PRKCZ: variants seen among roughly 807,000 people sequenced by gnomAD.
The protein encoded by PRKCZ is protein kinase C zeta.
In PRKCZ, 33 loss-of-function variants were observed where a neutral mutation model predicts 79.5. The observed-to-expected ratio is 0.41, with a 90% confidence interval of 0.31 to 0.55. The LOEUF is 0.55. Ranked by LOEUF, PRKCZ falls within the 20% of genes least tolerant of loss-of-function variation. The probability of loss-of-function intolerance (pLI) is 0.19; values close to 1 mark genes in which losing one functional copy is unlikely to be tolerated. For synonymous variants in PRKCZ, 342 were observed against 320.9 expected (o/e 1.07, Z -0.70); for missense variants, 578 against 813.5 (o/e 0.71, Z 3.52).
At chr1:2,135,138 T>C in intron 4 of PRKCZ, 124 bp from the exon 5 acceptor site, 1 of 759,292 alleles carries the variant, frequency 1.3e-6, no homozygotes, top group Non-Finnish European at 2.1e-6. Context: ...CAGCCCTGCC[T>C]TCCCTGCCTG....
At chr1:2,105,815 A>G (rs996619608) in intron 4 of PRKCZ, among the ~76,000 whole-genome samples, 3 of 152,220 alleles carry the variant, frequency 2.0e-5, no homozygotes, top group African/African-American at 7.2e-5. Flanking sequence ...GGTGATGACC[A>G]GGTGATGCCG....
At chr1:2,096,400 G>A (rs1471814796) in intron 4 of PRKCZ, among the ~76,000 whole-genome samples, 3 of 152,050 alleles carry the variant, frequency 2.0e-5, no homozygotes, top group Non-Finnish European at 4.4e-5. Context: ...CTGGGAGCAC[G>A]GGTGAGGTGC....
chr1:2,097,790 C>T (rs1040143815), intron 4 of PRKCZ, among the ~76,000 whole-genome samples: 1 of 152,202 alleles, frequency 6.6e-6, no homozygotes, highest in Non-Finnish European at 1.5e-5. Context: ...AGCACTCGAA[C>T]ATAAATTTAA....
rs948495584 is a variant in PRKCZ, at chr1:2,127,279, A to G, written c.335-7983A>G. On this transcript the variant is annotated intron_variant, in intron 4 of 17. Coordinates refer to ENST00000378567, the MANE Select transcript of PRKCZ (RefSeq NM_002744.6). The surrounding 1 kb of genome is among the most constrained non-coding windows in gnomAD (Gnocchi z 5.1). ...CTTCAGTCACCTTTAAAAGCATAGCATGTTTTCAATCACATGTTCAGCTGG... is the reference window on the plus strand; with the variant it reads ...CTTCAGTCACCTTTAAAAGCATAGCGTGTTTTCAATCACATGTTCAGCTGG... 1.7e-4 allele frequency among the ~76,000 whole-genome samples: 26 copies of G among 152,330 alleles called. No individual in the cohort carries two copies. Among genetic ancestry groups the G allele is most frequent in the African/African-American group, 6.0e-4 (25 of 41,582 alleles).
chr1:2,132,478 T>G (rs1457338926), intron 4 of PRKCZ, among the ~76,000 whole-genome samples: 1 of 152,182 alleles, frequency 6.6e-6, no homozygotes, highest in Non-Finnish European at 1.5e-5. Context: ...GGGGCACTCC[T>G]GGGCCTCGAA....
Position 2,185,249 on chromosome 1 carries a change from G to C in PRKCZ, c.*240G>C, listed in dbSNP as rs957851112. On this transcript the variant is annotated 3_prime_UTR_variant, in exon 18 of 18. Coordinates refer to ENST00000378567, the MANE Select transcript of PRKCZ (RefSeq NM_002744.6). ...TTGCTGCTGTGCCTGCGTCGCGGCG[G>C]ATCCGCGGGGACCCTGCCGAGGGGG... The C allele has an allele frequency of 1.4e-6, 1 of 712,610 alleles. No individual in the cohort carries two copies. The highest frequency in any genetic ancestry group is 1.7e-5 in the African/African-American group (1 of 57,246). 44.1% of individuals were successfully genotyped at this position (712,610 alleles called of 1,614,324 possible).
At chr1:2,133,098 G>A (rs899336563) in intron 4 of PRKCZ, among the ~76,000 whole-genome samples, 1 of 152,186 alleles carries the variant, frequency 6.6e-6, no homozygotes, top group Non-Finnish European at 1.5e-5. Context: ...CTGCTAGGAC[G>A]TCATTCTCTT....
chr1:2,138,420 G>A (rs1676661668), intron 5 of PRKCZ, among the ~76,000 whole-genome samples: 1 of 152,202 alleles, frequency 6.6e-6, no homozygotes, highest in Non-Finnish European at 1.5e-5. Flanking sequence ...CCTCCATGAA[G>A]GATGGTGCCG....
chr1:2,135,998 C>G (rs59178531), intron 5 of PRKCZ, among the ~76,000 whole-genome samples: 1 of 151,956 alleles, frequency 6.6e-6, no homozygotes, highest in African/African-American at 2.4e-5. Context: ...CTTGGGGGTG[C>G]GTGGAAGTAT....
chr1:2,059,034 A>G (rs994813884), intron 3 of PRKCZ, among the ~76,000 whole-genome samples: 11 of 152,196 alleles, frequency 7.2e-5, no homozygotes, highest in Middle Eastern at 3.2e-3. Context: ...GCCTGAAGCC[A>G]TCCTCTCATC....
At chr1:2,055,646 C>A in intron 2 of PRKCZ, 84 bp downstream of exon 2, 1 of 1,510,708 alleles carries the variant, frequency 6.6e-7, no homozygotes, top group Non-Finnish European at 8.9e-7. Context: ...TGTGCTCAGC[C>A]AATTCTGTGG....
At chr1:2,076,800 G>A (rs531114474) in intron 4 of PRKCZ, among the ~76,000 whole-genome samples, 11 of 151,886 alleles carry the variant, frequency 7.2e-5, no homozygotes, top group African/African-American at 1.9e-4. Flanking sequence ...CCAGTCGGTC[G>A]TCCAGTGTTC....
chr1:2,101,355 G>T (rs1230159679), intron 4 of PRKCZ, among the ~76,000 whole-genome samples: 1 of 151,996 alleles, frequency 6.6e-6, no homozygotes, highest in Non-Finnish European at 1.5e-5. Flanking sequence ...TCCCCTCCTC[G>T]CCCCTTCTCT....
chr1:2,185,164 TGGGAGCAGAA>T lies in PRKCZ; in HGVS notation c.*156_*165del. Reference sequence around the variant, plus strand: ...AGAGGGAAGCGTCAGCGGGCGCTGCTGGGAGCAGAACAGTCCCTCACACCTGGGCCCGGGC... The same window carrying T: ...AGAGGGAAGCGTCAGCGGGCGCTGCTCAGTCCCTCACACCTGGGCCCGGGC... On this transcript the variant is annotated 3_prime_UTR_variant, in exon 18 of 18. Transcript: ENST00000378567. The T allele has an allele frequency of 1.3e-6, 1 of 770,050 alleles. No homozygotes were observed. Among genetic ancestry groups the T allele is most frequent in the Non-Finnish European group, 2.2e-6 (1 of 454,538 alleles). The allele number at this position is 770,050 out of a possible 1,614,324, so 47.7% of individuals were successfully genotyped here.
chr1:2,107,558 T>C (rs1013765848), intron 4 of PRKCZ, among the ~76,000 whole-genome samples: 1 of 152,192 alleles, frequency 6.6e-6, no homozygotes, highest in Non-Finnish European at 1.5e-5. Context: ...GATCAGTTCC[T>C]AGAAGTAGGG....
chr1:2,172,409 C>A lies in PRKCZ; in HGVS notation c.1285+21C>A, dbSNP rs1483171190. 6.2e-7 allele frequency: 1 copy of A among 1,603,320 alleles called. No homozygotes were observed. The highest frequency in any genetic ancestry group is 8.5e-7 in the Non-Finnish European group (1 of 1,174,592). On this transcript the variant is annotated intron_variant, in intron 13 of 17. Coordinates refer to ENST00000378567, the MANE Select transcript of PRKCZ (RefSeq NM_002744.6). This position sits in a 1 kb window ranked among gnomAD's most constrained non-coding sequence, Gnocchi z 7.8. ...GTACGGTGAGTGCCGCTGCCCTGGC[C>A]CCTCTCGGAGCACACAGGGCCAGAG... is the stretch of plus-strand genomic sequence containing the variant.
intron 5 of PRKCZ, among the ~76,000 whole-genome samples, chr1:2,136,572 G>A (rs928594841): frequency 6.6e-6 from 1 of 152,194 alleles, no homozygotes; most frequent in African/African-American, 2.4e-5. Flanking sequence ...TGAGGACGAG[G>A]TTGGGGACAC....
chr1:2,159,779 A>G (rs1174450208), intron 10 of PRKCZ, among the ~76,000 whole-genome samples: 2 of 152,216 alleles, frequency 1.3e-5, no homozygotes, highest in Non-Finnish European at 2.9e-5. Context: ...ACCATACCCC[A>G]TATCTACACA....
At chr1:2,104,827 G>C in intron 4 of PRKCZ, 1 of 985,788 alleles carries the variant, frequency 1.0e-6, no homozygotes, top group Non-Finnish European at 1.2e-6. Context: ...CTTCCTCGCC[G>C]GGTGTTGCGG....
Sources: allele counts gnomAD v4.1 joint callset (sites outside exome capture counted in the v4.1 genomes callset), GRCh38; gene constraint gnomAD v4.1.1; non-coding constraint Gnocchi (gnomAD v3.1); transcripts MANE v1.5; gene names NCBI Gene and HGNC (gene_info 2026-07-23, HGNC 2026-07-21).